LRRC37A2: variants seen among roughly 807,000 people sequenced by gnomAD.
LRRC37A2 encodes leucine rich repeat containing 37 member A2, also known as leucine-rich repeat-containing protein 37A2.
Under a neutral mutation model 68.8 loss-of-function variants are expected in LRRC37A2, and 9 were observed. The ratio of observed to expected loss-of-function variants is 0.13; its 90% CI spans 0.08 to 0.23. LRRC37A2 has a LOEUF of 0.23. LRRC37A2 is among the 10% of genes least tolerant of loss of function. The pLI, the probability that LRRC37A2 is intolerant of heterozygous loss-of-function variation, is 1.00. For synonymous variants in LRRC37A2, 63 were observed against 367.6 expected (o/e 0.17, Z 9.48); for missense variants, 168 against 950.4 (o/e 0.18, Z 10.82).
At chr17:46,766,127 G>A in the LRRC37A2 span, among the ~76,000 whole-genome samples, 1 of 152,190 alleles carries the variant, frequency 6.6e-6, no homozygotes, top group African/African-American at 2.4e-5. Flanking sequence ...TACTGATTCT[G>A]GCCGGGCGCG....
At chr17:46,730,303 A>G in the LRRC37A2 span, among the ~76,000 whole-genome samples, 1 of 152,162 alleles carries the variant, frequency 6.6e-6, no homozygotes, top group African/African-American at 2.4e-5. Context: ...ATCTCTTAAA[A>G]TAGTTCTTCT....
the LRRC37A2 span, among the ~76,000 whole-genome samples, chr17:46,847,894 T>G: frequency 6.6e-6 from 1 of 152,136 alleles, no homozygotes. Flanking sequence ...AGGAGAGGTC[T>G]GCAGACATCC....
chr17:46,770,096 C>A, the LRRC37A2 span: 1 of 1,496,662 alleles, frequency 6.7e-7, no homozygotes, highest in Non-Finnish European at 8.9e-7. Context: ...GGCCTGGGAG[C>A]GCCTGCCCTG....
the LRRC37A2 span, chr17:46,764,234 T>C: frequency 6.6e-6 from 1 of 152,646 alleles, no homozygotes; most frequent in Non-Finnish European, 1.5e-5. Context: ...AACAGAACCT[T>C]GCCCATGCTG....
the LRRC37A2 span, among the ~76,000 whole-genome samples, chr17:46,950,076 A>G: frequency 6.6e-6 from 1 of 152,244 alleles, no homozygotes; most frequent in Admixed American, 6.5e-5. Flanking sequence ...TCCTGGAGGG[A>G]GCATGGGATA....
chr17:46,753,108 A>C, the LRRC37A2 span, among the ~76,000 whole-genome samples: 4 of 152,324 alleles, frequency 2.6e-5, no homozygotes, highest in Non-Finnish European at 4.4e-5. Flanking sequence ...AATTCATTTT[A>C]CAGTTAGGTA....
chr17:46,936,083 A>G, the LRRC37A2 span: 251 of 985,734 alleles, frequency 2.5e-4, no homozygotes, highest in Non-Finnish European at 3.0e-4. Context: ...GCAAGCTGCA[A>G]GTGACACTCA....
the LRRC37A2 span, among the ~76,000 whole-genome samples, chr17:46,841,604 C>G: frequency 2.0e-5 from 3 of 152,052 alleles, no homozygotes; most frequent in Non-Finnish European, 2.9e-5. Context: ...GAGAAGGGAG[C>G]GCTGGGGGCT....
chr17:46,834,261 C>T, the LRRC37A2 span, among the ~76,000 whole-genome samples: 3 of 152,132 alleles, frequency 2.0e-5, no homozygotes, highest in Admixed American at 6.6e-5. Context: ...GTAACCAAAA[C>T]GACGGATTTG....
the LRRC37A2 span, among the ~76,000 whole-genome samples, chr17:46,727,611 A>G: frequency 1.3e-5 from 2 of 152,094 alleles, no homozygotes; most frequent in African/African-American, 4.8e-5. Flanking sequence ...AAGCAGGTAT[A>G]TCTGTGAGGT....
the LRRC37A2 span, chr17:46,942,147 T>A: frequency 1.2e-5 from 2 of 166,042 alleles, no homozygotes; most frequent in Non-Finnish European, 2.5e-5. Flanking sequence ...TCAAACGTTG[T>A]AACACCCTAA....
At chr17:46,883,155 T>C in the LRRC37A2 span, among the ~76,000 whole-genome samples, 155 of 152,070 alleles carry the variant, frequency 1.0e-3, no homozygotes, top group African/African-American at 3.5e-3. Context: ...ATTTTGTTTT[T>C]GTATTTTTAG....
chr17:46,848,106 T>C, the LRRC37A2 span, among the ~76,000 whole-genome samples: 4 of 152,102 alleles, frequency 2.6e-5, no homozygotes, highest in African/African-American at 9.7e-5. Context: ...AGAATGCTTC[T>C]CTTGCATACC....
intron 6 of LRRC37A2, among the ~76,000 whole-genome samples, chr17:46,529,042 A>G (rs77401978): frequency 0.87 from 51,993 of 59,498 alleles, 24,319 homozygotes; most frequent in East Asian, 1. Flanking sequence ...TTATTTTCAC[A>G]GCCTGCTTTG....
At chr17:46,941,190 A>G in the LRRC37A2 span, 1 of 1,004,150 alleles carries the variant, frequency 1.0e-6, no homozygotes. Flanking sequence ...AGAAAAGCCA[A>G]ACTCCAAGAC....
chr17:46,880,645 A>G, the LRRC37A2 span, among the ~76,000 whole-genome samples: 1 of 152,234 alleles, frequency 6.6e-6, no homozygotes, highest in Non-Finnish European at 1.5e-5. Context: ...TTGTGAGATG[A>G]GAAGCCTCCT....
the LRRC37A2 span, among the ~76,000 whole-genome samples, chr17:46,770,441 C>T: frequency 6.6e-6 from 1 of 152,226 alleles, no homozygotes; most frequent in Non-Finnish European, 1.5e-5. Context: ...CCTGCACAGG[C>T]CTGAGCCCTC....
chr17:46,406,091 GA>G, the LRRC37A2 span, among the ~76,000 whole-genome samples: 2 of 68,414 alleles, frequency 2.9e-5, no homozygotes, highest in Non-Finnish European at 5.9e-5. Context: ...ATATACTTTT[GA>G]TAATATACAT....
the LRRC37A2 span, among the ~76,000 whole-genome samples, chr17:46,456,218 G>GTT: frequency 9.0e-6 from 1 of 110,636 alleles, no homozygotes; most frequent in African/African-American, 3.2e-5. Flanking sequence ...ATATGTGTGT[G>GTT]TGTGTGTGTG....
Sources: allele counts gnomAD v4.1 joint callset (sites outside exome capture counted in the v4.1 genomes callset), GRCh38; gene constraint gnomAD v4.1.1; transcripts MANE v1.5; gene names NCBI Gene and HGNC (gene_info 2026-07-23, HGNC 2026-07-21).